Variants in PRKCQ observed in about 807,000 individuals in gnomAD.
PRKCQ encodes protein kinase C theta, also known as protein kinase C theta type.
Under a neutral mutation model 91.2 loss-of-function variants are expected in PRKCQ, and 41 were observed. The ratio of observed to expected loss-of-function variants is 0.45; its 90% CI spans 0.35 to 0.58. The LOEUF is 0.58. Among genes scored for constraint, PRKCQ ranks in the 20% least tolerant of loss-of-function variants. The pLI is 0.00. For missense variants in PRKCQ, 673 were observed against 896.5 expected, an observed-to-expected ratio of 0.75 and a Z score of 3.18; for synonymous variants, 307 against 316.9, an observed-to-expected ratio of 0.97 and a Z score of 0.33.
chr10:6,477,114 T>C (rs956297317), intron 12 of PRKCQ, among the ~76,000 whole-genome samples: 5 of 152,220 alleles, frequency 3.3e-5, no homozygotes, highest in Non-Finnish European at 7.3e-5. Context: ...CTTCCTCTCC[T>C]GCAGCCACAC....
At chr10:6,524,841 G>A (rs1269724528) in intron 1 of PRKCQ, among the ~76,000 whole-genome samples, 2 of 152,208 alleles carry the variant, frequency 1.3e-5, no homozygotes, top group East Asian at 3.8e-4. Context: ...ACCTCCCTCT[G>A]TGCTTCCAGT....
chr10:6,560,822 G>A (rs1373917064), intron 1 of PRKCQ, among the ~76,000 whole-genome samples: 4 of 151,954 alleles, frequency 2.6e-5, no homozygotes, highest in Non-Finnish European at 5.9e-5. Context: ...GGTGGATCAC[G>A]AGGTCAGGAC....
chr10:6,562,047 A>G (rs1161614617), intron 1 of PRKCQ, among the ~76,000 whole-genome samples: 2 of 152,210 alleles, frequency 1.3e-5, no homozygotes, highest in Non-Finnish European at 2.9e-5. Context: ...TCAGTTCAAA[A>G]TAATGCTGGT....
At chr10:6,573,478 G>A (rs964542489) in intron 1 of PRKCQ, among the ~76,000 whole-genome samples, 3 of 152,272 alleles carry the variant, frequency 2.0e-5, no homozygotes, top group Admixed American at 2.0e-4. Context: ...TCCGAATCAG[G>A]ACTTGGTTCC....
Position 6,502,516 on chromosome 10 carries a change from T to G in PRKCQ, c.380-3958A>C, listed in dbSNP as rs376404169. On this transcript the variant is annotated intron_variant, in intron 4 of 17. Transcript: ENST00000263125. ...GATCAGCAGTCACTTCCAGAAGATG[T>G]GTAGGTGTCAGATCAGTTTGAACAC... Among the ~76,000 whole-genome samples the G allele has an allele frequency of 2.0e-5, 3 of 152,258 alleles. No homozygotes were observed. In the South Asian group the frequency reaches 6.2e-4, roughly 32 times the overall value.
At chr10:6,450,501 T>G (rs1834601156) in intron 15 of PRKCQ, among the ~76,000 whole-genome samples, 1 of 152,180 alleles carries the variant, frequency 6.6e-6, no homozygotes, top group African/African-American at 2.4e-5. Context: ...AACACCCCAC[T>G]GTCAACATTA....
chr10:6,529,359 A>T (rs558639081), intron 1 of PRKCQ, among the ~76,000 whole-genome samples: 208 of 152,168 alleles, frequency 1.4e-3, no homozygotes, highest in African/African-American at 4.8e-3. Context: ...CTTCTCTCTG[A>T]CTCTACCATC....
intron 1 of PRKCQ, among the ~76,000 whole-genome samples, chr10:6,533,725 T>C (rs1033185543): frequency 7.2e-5 from 11 of 152,138 alleles, no homozygotes; most frequent in African/African-American, 2.7e-4. Context: ...CAGAAACAGA[T>C]CCAATTACAT....
chr10:6,531,715 T>C (rs1564377294), intron 1 of PRKCQ, among the ~76,000 whole-genome samples: 1 of 152,176 alleles, frequency 6.6e-6, no homozygotes, highest in Non-Finnish European at 1.5e-5. Context: ...ATTGACCATG[T>C]AAGATGTTCA....
intron 1 of PRKCQ, among the ~76,000 whole-genome samples, chr10:6,543,862 G>C (rs1839859233): frequency 6.6e-6 from 1 of 152,198 alleles, no homozygotes; most frequent in Non-Finnish European, 1.5e-5. Flanking sequence ...ACAGGGCCTT[G>C]TTTGGCTGAT....
intron 16 of PRKCQ, 69 bp from the exon 17 acceptor site, chr10:6,431,007 G>T: frequency 6.5e-7 from 1 of 1,536,232 alleles, no homozygotes; most frequent in Non-Finnish European, 8.8e-7. Flanking sequence ...AGGTCGTGGT[G>T]CTTCCTGGTG....
At position 6,427,754 on chromosome 10, in the gene PRKCQ, T is replaced by TTGTC. The variant is rs1833187486; in HGVS notation, c.*449_*452dup. On this transcript the variant is annotated 3_prime_UTR_variant, in exon 18 of 18. Coordinates refer to ENST00000263125, the MANE Select transcript of PRKCQ (RefSeq NM_006257.5). ...TAGAATAAAACGGGTTAGTGATTAC[T>TTGTC]TGTCTGCGGCTGAGTGAGATCCGCT... The TTGTC allele has an allele frequency of 1.7e-5, 3 of 172,310 alleles. No homozygotes were observed. Among genetic ancestry groups the TTGTC allele is most frequent in the Non-Finnish European group, 3.8e-5 (3 of 79,562 alleles). The allele number at this position is 172,310 out of a possible 1,614,324, so 10.7% of individuals were successfully genotyped here.
the PRKCQ span, among the ~76,000 whole-genome samples, chr10:6,413,099 C>T: frequency 1.3e-5 from 2 of 152,092 alleles, no homozygotes; most frequent in Admixed American, 1.3e-4. Context: ...ACTACAGGCA[C>T]CCGCCACCAC....
chr10:6,516,528 T>G (rs1243731927), intron 1 of PRKCQ, among the ~76,000 whole-genome samples: 1 of 152,180 alleles, frequency 6.6e-6, no homozygotes, highest in East Asian at 1.9e-4. Context: ...AGCTGTGAGT[T>G]CTCTGGAGAG....
chr10:6,490,573 A>AC (rs1837235292), intron 8 of PRKCQ, among the ~76,000 whole-genome samples: 4 of 145,278 alleles, frequency 2.8e-5, no homozygotes, highest in Admixed American at 2.7e-4. Flanking sequence ...AAAAAAAAAA[A>AC]AACAAAGAAA....
intron 1 of PRKCQ, among the ~76,000 whole-genome samples, chr10:6,523,177 C>A (rs1381687788): frequency 6.6e-6 from 1 of 152,166 alleles, no homozygotes; most frequent in Non-Finnish European, 1.5e-5. Flanking sequence ...GGGCCAGGTG[C>A]AGTAGCTTAT....
At chr10:6,553,847 A>G (rs1225625377) in intron 1 of PRKCQ, among the ~76,000 whole-genome samples, 1 of 152,236 alleles carries the variant, frequency 6.6e-6, no homozygotes, top group Non-Finnish European at 1.5e-5. Flanking sequence ...ACTTTAGTCA[A>G]GGTTATCCCT....
In PRKCQ at chr10:6,486,083, G is replaced by T. The variant is rs758032733; in HGVS notation, c.852C>A (p.Asn284Lys). The T allele has an allele frequency of 6.2e-7, 1 of 1,614,074 alleles. No individual in the cohort carries two copies. Among genetic ancestry groups the T allele is most frequent in the African/African-American group, 1.3e-5 (1 of 74,928 alleles). The change falls in exon 9 of 18, where the codon AAC becomes AAA. Residue 284 changes from asparagine to lysine, a missense_variant. Physicochemically the swap from Asn to Lys is moderately conservative, Grantham distance 94 (BLOSUM62 0). Coordinates refer to ENST00000263125, the MANE Select transcript of PRKCQ (RefSeq NM_006257.5). ...CCAGCGCTTCAGCCATTAGCTTCTG[G>T]TTTATGCCACAAAGGTTGGCCACCT... is the stretch of plus-strand genomic sequence containing the variant. ...QTKVANLCGI[N>K]QKLMAEALAM...
chr10:6,412,073 T>A, the PRKCQ span, among the ~76,000 whole-genome samples: 2 of 152,198 alleles, frequency 1.3e-5, no homozygotes, highest in Admixed American at 6.5e-5. Context: ...CTTATTTTTT[T>A]AAGAGATGAT....
Sources: gnomAD v4.1 joint callset for allele counts (sites outside exome capture counted in the v4.1 genomes callset) on GRCh38, gnomAD v4.1.1 for gene constraint, MANE v1.5 for transcripts, NCBI Gene and HGNC (gene_info 2026-07-23, HGNC 2026-07-21) for gene names.